Variants in TMEM268 observed in about 807,000 individuals in gnomAD.
The protein encoded by TMEM268 is transmembrane protein C9orf91.
In TMEM268, 24 loss-of-function variants were observed where a neutral mutation model predicts 39.1. The observed-to-expected ratio is 0.61, with a 90% CI of 0.44 to 0.86. TMEM268 has a LOEUF of 0.86. Ranked by LOEUF, TMEM268 falls within the 40% of genes least tolerant of loss-of-function variation. The probability of loss-of-function intolerance (pLI) is 0.00; values close to 1 mark genes in which losing one functional copy is unlikely to be tolerated. For missense variants in TMEM268, 409 were observed against 428.6 expected, an observed-to-expected ratio of 0.95 and a Z score of 0.40; for synonymous variants, 176 against 173.5, an observed-to-expected ratio of 1.01 and a Z score of -0.12.
chr9:114,625,523 C>G (rs1846122872), intron 3 of TMEM268, among the ~76,000 whole-genome samples: 1 of 149,240 alleles, frequency 6.7e-6, no homozygotes, highest in Non-Finnish European at 1.5e-5. Context: ...GGGCTCACTG[C>G]AACCTGTGCT....
intron 5 of TMEM268, among the ~76,000 whole-genome samples, chr9:114,631,052 A>G (rs1350721757): frequency 6.6e-6 from 1 of 152,102 alleles, no homozygotes; most frequent in Non-Finnish European, 1.5e-5. Flanking sequence ...GGTGGCTCAC[A>G]CTTATAATCC....
chr9:114,637,095 A>G, intron 7 of TMEM268, 25 bp downstream of exon 7: 1 of 1,514,672 alleles, frequency 6.6e-7, no homozygotes. Context: ...GTGAAAAAAC[A>G]AAACAAAAAC....
intron 8 of TMEM268, among the ~76,000 whole-genome samples, chr9:114,639,132 T>C (rs953202313): frequency 2.0e-5 from 3 of 152,046 alleles, no homozygotes; most frequent in Non-Finnish European, 2.9e-5. Context: ...AGTTGACTCT[T>C]CTTTGAATTT....
Position 114,643,627 on chromosome 9 carries a change from ATTGTTC to A in TMEM268, c.*315_*320del. The A allele has an allele frequency of 4.0e-6, 1 of 250,136 alleles. No individual in the cohort carries two copies. Among genetic ancestry groups the A allele is most frequent in the Non-Finnish European group, 7.7e-6 (1 of 129,328 alleles). The allele number at this position is 250,136 out of a possible 1,614,324, so 15.5% of individuals were successfully genotyped here. ...GAAAGACTGGACCCCCATTGCTTTC[ATTGTTC>A]AGAGAACCCAGGAGACATGAAGATG... On this transcript the variant is annotated 3_prime_UTR_variant, in exon 9 of 9. Transcript: ENST00000288502.
chr9:114,621,907 A>C lies in TMEM268; in HGVS notation c.107-2443A>C, dbSNP rs145263882. ...TAACAAGGTTGGCTTTTGCAAAGCA[A>C]CAGGAAGCGATTGAAAGTTTTCTCA... is the stretch of plus-strand genomic sequence containing the variant. On this transcript the variant is annotated intron_variant, in intron 2 of 8. Transcript: ENST00000288502. 2.8e-3 allele frequency among the ~76,000 whole-genome samples: 424 copies of C among 152,318 alleles called. 2 individuals carry two copies. Among genetic ancestry groups the C allele is most frequent in the African/African-American group, 9.7e-3 (404 of 41,578 alleles).
At chr9:114,617,958 T>C (rs1016281468) in intron 2 of TMEM268, among the ~76,000 whole-genome samples, 1 of 151,910 alleles carries the variant, frequency 6.6e-6, no homozygotes, top group Non-Finnish European at 1.5e-5. Flanking sequence ...TTCACTGTAG[T>C]CTTCACCTCC....
chr9:114,606,187 C>A, the TMEM268 span, among the ~76,000 whole-genome samples: 1 of 152,182 alleles, frequency 6.6e-6, no homozygotes, highest in East Asian at 1.9e-4. Flanking sequence ...CCTCTTCTGA[C>A]TCTTCTGACC....
At chr9:114,625,662 C>T (rs1212465283) in intron 3 of TMEM268, among the ~76,000 whole-genome samples, 1 of 151,642 alleles carries the variant, frequency 6.6e-6, no homozygotes, top group Non-Finnish European at 1.5e-5. Context: ...AGGCTGGTCT[C>T]GAACTCCTGA....
chr9:114,631,161 A>G (rs1201791780), intron 5 of TMEM268, among the ~76,000 whole-genome samples: 4 of 151,888 alleles, frequency 2.6e-5, no homozygotes, highest in African/African-American at 9.7e-5. Flanking sequence ...AAAAAATAAA[A>G]TCAGCGGGGT....
chr9:114,632,186 T>C (rs921519792), intron 5 of TMEM268, among the ~76,000 whole-genome samples: 1 of 150,664 alleles, frequency 6.6e-6, no homozygotes, highest in Admixed American at 6.6e-5. Flanking sequence ...GATTTTTTTT[T>C]ATCTGCATGT....
At position 114,611,399 on chromosome 9, in the gene TMEM268, G is replaced by C. The variant is rs1845475297; in HGVS notation, c.-244G>C. ...GCTCCTCGGGGTTGGGCGACCGAGC[G>C]GGGCCGGCCGGGCGGGGGGCGGGCC... On this transcript the variant is annotated 5_prime_UTR_variant, in exon 1 of 9. Transcript: ENST00000288502. 1 of 151,746 alleles carries C rather than the reference G, an allele frequency of 6.6e-6. No individual in the cohort carries two copies. The highest frequency in any genetic ancestry group is 1.5e-5 in the Non-Finnish European group (1 of 67,750). 9.4% of individuals were successfully genotyped at this position (151,746 alleles called of 1,614,324 possible).
intron 8 of TMEM268, among the ~76,000 whole-genome samples, chr9:114,640,065 A>G (rs1006236006): frequency 6.6e-6 from 1 of 151,458 alleles, no homozygotes; most frequent in Non-Finnish European, 1.5e-5. Context: ...TTAAAAAAAA[A>G]AAAGAGAGAA....
chr9:114,643,404 G>A lies in TMEM268; in HGVS notation c.*91G>A, dbSNP rs562483539. 1.2e-4 allele frequency: 149 copies of A among 1,203,508 alleles called. 1 individual carries two copies. In the East Asian group the frequency reaches 1.9e-3, roughly 16 times the overall value. 74.6% of individuals were successfully genotyped at this position (1,203,508 alleles called of 1,614,324 possible). A position where few individuals can be genotyped will look rare whatever the true frequency, so the allele number is the denominator to read the frequency against. On this transcript the variant is annotated 3_prime_UTR_variant, in exon 9 of 9. Transcript: ENST00000288502. ...ATGGCCAATGGGGAGCCCCAGGTGA[G>A]GAGAGAAGCATCTGGGGGCACTCCA...
upstream of TMEM268, among the ~76,000 whole-genome samples, chr9:114,610,276 T>C (rs913696965): frequency 6.6e-6 from 1 of 152,126 alleles, no homozygotes; most frequent in South Asian, 2.1e-4. Context: ...CGACCTCAGG[T>C]AATCCTCCCG....
intron 4 of TMEM268, among the ~76,000 whole-genome samples, chr9:114,627,472 A>G (rs190386276): frequency 7.4e-4 from 112 of 152,342 alleles, no homozygotes; most frequent in Non-Finnish European, 1.2e-3. Context: ...ACTTACATAC[A>G]TAAATGACAG....
At chr9:114,627,904 G>C (rs548648787) in intron 4 of TMEM268, among the ~76,000 whole-genome samples, 197 bp from the exon 5 acceptor site, 1 of 152,074 alleles carries the variant, frequency 6.6e-6, no homozygotes, top group South Asian at 2.1e-4. Context: ...AACCCTTTTT[G>C]TCTACTTTTG....
upstream of TMEM268, among the ~76,000 whole-genome samples, chr9:114,609,834 GAGAAAGAAAGAA>G (rs200700438): frequency 8.5e-6 from 1 of 117,780 alleles, no homozygotes; most frequent in Admixed American, 9.2e-5. Context: ...GAAAGAAAGA[GAGAAAGAAAGAA>G]AGAAAGAAAG....
chr9:114,640,433 T>C (rs565220243), intron 8 of TMEM268, among the ~76,000 whole-genome samples: 88 of 152,298 alleles, frequency 5.8e-4, no homozygotes, highest in African/African-American at 2.1e-3. Flanking sequence ...CTCTTACATT[T>C]TTACAGATTT....
In TMEM268 at chr9:114,626,989, C is replaced by T. The variant is rs996118158; in HGVS notation, c.307C>T (p.Arg103Trp). 13 of 1,611,770 alleles carry T rather than the reference C, an allele frequency of 8.1e-6. No individual in the cohort carries two copies. Among genetic ancestry groups the T allele is most frequent in the East Asian group, 6.7e-5 (3 of 44,834 alleles). ...TATCATCTACAACTCGAGGCCTATG[C>T]GGCTGGCCTTTGCTGTGGTAAGGGG... ...RYIIYNSRPM[R>W]LAFAVVFYVV... is the part of the protein sequence containing the mutation. Residue 103 changes from arginine (R) to tryptophan (W), a missense_variant, in exon 4 of 9, where the codon CGG (arginine) becomes TGG (tryptophan). Physicochemically the swap from Arg to Trp is moderately radical, Grantham distance 101. Transcript: ENST00000288502.
Sources: gnomAD v4.1 joint callset for allele counts (sites outside exome capture counted in the v4.1 genomes callset) on GRCh38, gnomAD v4.1.1 for gene constraint, MANE v1.5 for transcripts, NCBI Gene and HGNC (gene_info 2026-07-23, HGNC 2026-07-21) for gene names.